ARHGAP22: variants seen among roughly 807,000 people sequenced by gnomAD.
ARHGAP22 encodes Rho GTPase activating protein 22.
In ARHGAP22, 48 loss-of-function variants were observed where a neutral mutation model predicts 59.1. That is an observed-to-expected ratio of 0.81 (90% CI 0.64 to 1.03). The LOEUF is 1.03. Among genes scored for constraint, ARHGAP22 ranks in the 50% least tolerant of loss-of-function variants. The probability of loss-of-function intolerance (pLI) is 0.00; values close to 1 mark genes in which losing one functional copy is unlikely to be tolerated. For missense variants in ARHGAP22, 1,015 were observed against 958.7 expected (o/e 1.06, Z -0.78); for synonymous variants, 445 against 416.4 (o/e 1.07, Z -0.84).
chr10:48,630,280 T>C (rs2061586675), intron 1 of ARHGAP22, among the ~76,000 whole-genome samples: 1 of 152,112 alleles, frequency 6.6e-6, no homozygotes, highest in Non-Finnish European at 1.5e-5. Context: ...TTAATAGAGA[T>C]GGGGTTTCAC....
At chr10:48,591,685 G>A (rs1365598629) in intron 1 of ARHGAP22, among the ~76,000 whole-genome samples, 1 of 151,976 alleles carries the variant, frequency 6.6e-6, no homozygotes, top group Admixed American at 6.6e-5. Context: ...TGCATCCTGG[G>A]CAACATGGCG....
intron 1 of ARHGAP22, chr10:48,652,155 T>G: frequency 7.3e-7 from 1 of 1,367,486 alleles, no homozygotes; most frequent in Admixed American, 2.0e-5. Context: ...CAAGACAGCC[T>G]CCGGGGACCC....
At chr10:48,634,901 G>A (rs78708385) in intron 1 of ARHGAP22, among the ~76,000 whole-genome samples, 3,794 of 152,268 alleles carry the variant, frequency 0.025, 150 homozygotes, top group African/African-American at 0.086. Context: ...TAAGGACACA[G>A]ATACCAACTG....
chr10:48,528,678 G>A (rs2054551459), intron 3 of ARHGAP22, among the ~76,000 whole-genome samples: 1 of 152,130 alleles, frequency 6.6e-6, no homozygotes, highest in Non-Finnish European at 1.5e-5. Flanking sequence ...TGGGCCTAGT[G>A]GGAGGTATTT....
At chr10:48,453,989 C>A (rs750452763) in intron 7 of ARHGAP22, 99 bp downstream of exon 7, 11 of 1,273,128 alleles carry the variant, frequency 8.6e-6, no homozygotes, top group Middle Eastern at 2.6e-4. Context: ...ATGACCCGGG[C>A]CCCCCTCTGA....
Position 48,476,036 on chromosome 10 carries a change from C to T in ARHGAP22, c.451+3600G>A, listed in dbSNP as rs116387562. The stretch of plus-strand genomic sequence containing the variant: ...CCCTAACCCTATCTCTTGTGTTCCC[C>T]TCCCTGCCTCTTCTGTCCCCACTGT... On this transcript the variant is annotated intron_variant, in intron 4 of 9. Coordinates refer to ENST00000249601, the MANE Select transcript of ARHGAP22 (RefSeq NM_021226.4). Among the ~76,000 whole-genome samples the T allele has an allele frequency of 5.7e-3, 862 of 152,284 alleles. 6 individuals carry two copies. The highest frequency in any genetic ancestry group is 0.019 in the African/African-American group (788 of 41,546).
At chr10:48,645,184 C>T (rs754675275) in intron 1 of ARHGAP22, among the ~76,000 whole-genome samples, 11 of 152,090 alleles carry the variant, frequency 7.2e-5, no homozygotes, top group South Asian at 2.1e-4. Flanking sequence ...CCCCACCTCC[C>T]GCCACAGACG....
chr10:48,562,460 G>A (rs1270503476), intron 2 of ARHGAP22, among the ~76,000 whole-genome samples: 1 of 152,170 alleles, frequency 6.6e-6, no homozygotes. Context: ...CCAGCAATAT[G>A]AATGAATGAA....
downstream of ARHGAP22, among the ~76,000 whole-genome samples, chr10:48,443,397 C>T (rs1383823739): frequency 6.6e-6 from 1 of 152,186 alleles, no homozygotes; most frequent in Non-Finnish European, 1.5e-5. Flanking sequence ...TTTCATGACC[C>T]CATCCTACCC....
chr10:48,491,428 C>T (rs915705377), intron 3 of ARHGAP22, among the ~76,000 whole-genome samples: 1 of 152,258 alleles, frequency 6.6e-6, no homozygotes, highest in Non-Finnish European at 1.5e-5. Context: ...CATCACCCAC[C>T]ACACCCCATG....
chr10:48,455,607 TC>T (rs1687896019), intron 5 of ARHGAP22, among the ~76,000 whole-genome samples: 1 of 152,142 alleles, frequency 6.6e-6, no homozygotes, highest in African/African-American at 2.4e-5. Context: ...GGGAGCCCCT[TC>T]CACAGGCCTG....
At position 48,527,073 on chromosome 10, in the gene ARHGAP22, A is replaced by G. The variant is rs144066225; in HGVS notation, c.322+28390T>C. 5.1e-4 allele frequency among the ~76,000 whole-genome samples: 77 copies of G among 152,386 alleles called. No individual in the cohort carries two copies. In the East Asian group the frequency reaches 0.012, roughly 24 times the overall value. On this transcript the variant is annotated intron_variant, in intron 3 of 9. Coordinates refer to ENST00000249601, the MANE Select transcript of ARHGAP22 (RefSeq NM_021226.4). The stretch of plus-strand genomic sequence containing the variant: ...ACCACAGGACAACCGCATGAAGCAG[A>G]TGCCATGAGATTCAATTTACAAAGG...
chr10:48,505,237 T>C (rs1171011653), intron 3 of ARHGAP22, among the ~76,000 whole-genome samples: 2 of 152,108 alleles, frequency 1.3e-5, no homozygotes, highest in Non-Finnish European at 2.9e-5. Flanking sequence ...TATTTTTTAA[T>C]AGAGATGAGG....
intron 1 of ARHGAP22, among the ~76,000 whole-genome samples, chr10:48,585,689 G>A (rs1367613018): frequency 6.6e-6 from 1 of 152,194 alleles, no homozygotes; most frequent in Non-Finnish European, 1.5e-5. Context: ...CCACCCTGGT[G>A]TCAGACTGTC....
chr10:48,457,285 G>A (rs112613061), intron 5 of ARHGAP22, among the ~76,000 whole-genome samples: 295 of 152,012 alleles, frequency 1.9e-3, no homozygotes, highest in African/African-American at 6.6e-3. Context: ...CCACTTCCTC[G>A]ACCTGCCCCC....
At chr10:48,597,170 G>A (rs1334260660) in intron 1 of ARHGAP22, among the ~76,000 whole-genome samples, 1 of 152,146 alleles carries the variant, frequency 6.6e-6, no homozygotes, top group Non-Finnish European at 1.5e-5. Context: ...TCATAAACAT[G>A]TGTCTCATGT....
At chr10:48,458,180 C>G (rs560503704) in intron 5 of ARHGAP22, among the ~76,000 whole-genome samples, 1 of 152,208 alleles carries the variant, frequency 6.6e-6, no homozygotes, top group East Asian at 1.9e-4. Context: ...GGCCAACATG[C>G]CCACCATGGA....
rs75305220 is a variant in ARHGAP22, at chr10:48,570,025, T to A, written c.234+12928A>T. Reference sequence around the variant, plus strand: ...TTAAAATGTATTTTGTATGATTACTTAAATCTTGTGTTTTTCTTTGACATG... The same window carrying A: ...TTAAAATGTATTTTGTATGATTACTAAAATCTTGTGTTTTTCTTTGACATG... On this transcript the variant is annotated intron_variant, in intron 2 of 9. Transcript: ENST00000249601. Among the ~76,000 whole-genome samples the A allele has an allele frequency of 1.1e-3, 162 of 152,364 alleles. 3 individuals carry two copies. The East Asian group carries it at 0.03, about 28-fold the overall frequency.
chr10:48,465,280 C>T (rs2047540396), intron 4 of ARHGAP22, among the ~76,000 whole-genome samples: 1 of 152,236 alleles, frequency 6.6e-6, no homozygotes, highest in Non-Finnish European at 1.5e-5. Flanking sequence ...TGCCTCTCCT[C>T]TTGATGAACT....
Sources: allele counts gnomAD v4.1 joint callset (sites outside exome capture counted in the v4.1 genomes callset), GRCh38; gene constraint gnomAD v4.1.1; transcripts MANE v1.5; gene names NCBI Gene and HGNC (gene_info 2026-07-23, HGNC 2026-07-21).